Variants in APOL5 observed in about 807,000 individuals in gnomAD.
The protein encoded by APOL5 is apolipoprotein L, 5.
A neutral mutation model predicts 35.5 loss-of-function variants in APOL5; 29 were observed. That is an observed-to-expected ratio of 0.82 (90% confidence interval 0.61 to 1.11). The LOEUF (loss-of-function observed/expected upper bound fraction) is 1.11. Ranked by LOEUF, APOL5 falls within the 50% of genes most tolerant of loss-of-function variation. The probability of loss-of-function intolerance (pLI) is 0.00; values close to 1 mark genes in which losing one functional copy is unlikely to be tolerated. For synonymous variants in APOL5, 188 were observed against 200.2 expected, an observed-to-expected ratio of 0.94 and a Z score of 0.51; for missense variants, 514 against 530.4, an observed-to-expected ratio of 0.97 and a Z score of 0.30.
chr22:35,710,768 A>C, the APOL5 span, among the ~76,000 whole-genome samples: 1 of 152,108 alleles, frequency 6.6e-6, no homozygotes, highest in African/African-American at 2.4e-5. Context: ...TGACTACCCT[A>C]AGAATCCCAT....
chr22:35,726,407 A>T lies in APOL5; in HGVS notation c.339A>T (p.Leu113=). 6.2e-7 allele frequency: 1 copy of T among 1,614,182 alleles called. No individual in the cohort carries two copies. Among genetic ancestry groups the T allele is most frequent in the Non-Finnish European group, 8.5e-7 (1 of 1,180,046 alleles). The part of the protein sequence containing the change: ...LSYFPLHKFE[L]EQNIKELNTL... ...ATTTTCCTTTGCACAAGTTTGAGCTAGAACAGAACATCAAAGAACTTAACA... is the reference window on the plus strand; with the variant it reads ...ATTTTCCTTTGCACAAGTTTGAGCTTGAACAGAACATCAAAGAACTTAACA... The change falls in exon 3 of 5, where the codon CTA becomes CTT. Residue 113 remains leucine, a synonymous_variant. Coordinates refer to ENST00000249044, the MANE Select transcript of APOL5 (RefSeq NM_030642.1).
chr22:35,712,698 C>T, the APOL5 span, among the ~76,000 whole-genome samples: 96 of 152,068 alleles, frequency 6.3e-4, no homozygotes, highest in Non-Finnish European at 1.1e-3. Context: ...TTCTTCTTTT[C>T]ATGGACCAGC....
chr22:35,716,207 C>G (rs1926739054), upstream of APOL5, among the ~76,000 whole-genome samples: 2 of 152,208 alleles, frequency 1.3e-5, no homozygotes, highest in Admixed American at 6.5e-5. Context: ...CATTACTGTA[C>G]AAGTGGGAGA....
At chr22:35,724,604 T>TTTTTA (rs1340857409) in intron 2 of APOL5, among the ~76,000 whole-genome samples, 1 of 151,714 alleles carries the variant, frequency 6.6e-6, no homozygotes, top group South Asian at 2.1e-4. Flanking sequence ...ATTTATTTTA[T>TTTTTA]TTTTATTTTA....
chr22:35,726,072 G>C, intron 2 of APOL5, 139 bp from the exon 3 acceptor site: 1 of 886,816 alleles, frequency 1.1e-6, no homozygotes, highest in South Asian at 1.8e-5. Flanking sequence ...GATGAAGCCG[G>C]TTAGGTCAGA....
chr22:35,724,463 G>C (rs5999984), intron 2 of APOL5, among the ~76,000 whole-genome samples: 15,045 of 151,348 alleles, frequency 0.099, 2,516 homozygotes, highest in African/African-American at 0.34. Context: ...TCAAATTGGT[G>C]ACAACTTGTT....
At chr22:35,710,995 C>T in the APOL5 span, among the ~76,000 whole-genome samples, 1 of 152,114 alleles carries the variant, frequency 6.6e-6, no homozygotes, top group Non-Finnish European at 1.5e-5. Context: ...GGTGAAACCC[C>T]ATCTCTATTA....
the APOL5 span, among the ~76,000 whole-genome samples, chr22:35,709,143 T>C: frequency 6.6e-6 from 1 of 152,224 alleles, no homozygotes; most frequent in Non-Finnish European, 1.5e-5. Flanking sequence ...CACTTCCTTT[T>C]ACTTATCGAA....
chr22:35,717,222 C>CAAA (rs71322978), upstream of APOL5, among the ~76,000 whole-genome samples: 20 of 66,876 alleles, frequency 3.0e-4, no homozygotes, highest in African/African-American at 4.7e-4. Flanking sequence ...TCCATCTCTA[C>CAAA]AAAAAAAAAA....
chr22:35,714,037 C>A (rs146847182), upstream of APOL5, among the ~76,000 whole-genome samples: 323 of 152,256 alleles, frequency 2.1e-3, 1 homozygote, highest in African/African-American at 7.3e-3. Context: ...GTTGGCCGGG[C>A]GCGGTGGCTC....
intron 2 of APOL5, 99 bp from the exon 3 acceptor site, chr22:35,726,112 T>C: frequency 7.2e-7 from 1 of 1,396,008 alleles, no homozygotes. Context: ...TTCCCCACTG[T>C]TAGAATTTTT....
intron 2 of APOL5, among the ~76,000 whole-genome samples, chr22:35,721,468 G>A (rs1304138194): frequency 1.3e-5 from 2 of 152,030 alleles, no homozygotes; most frequent in South Asian, 2.1e-4. Flanking sequence ...GCTTGAACCC[G>A]GGAGGCGGAG....
chr22:35,720,294 T>C (rs1269567433), intron 1 of APOL5, among the ~76,000 whole-genome samples: 2 of 152,250 alleles, frequency 1.3e-5, no homozygotes, highest in Non-Finnish European at 2.9e-5. Context: ...ATTTCAAAAG[T>C]GCTTTACCAA....
chr22:35,727,353 C>T (rs1056914036), intron 3 of APOL5, among the ~76,000 whole-genome samples, 159 bp downstream of exon 3: 2 of 152,206 alleles, frequency 1.3e-5, no homozygotes, highest in East Asian at 1.9e-4. Context: ...ATTAACTAGG[C>T]GCCCTCTGTT....
chr22:35,726,174 A>C, intron 2 of APOL5, 37 bp from the exon 3 acceptor site: 2 of 1,586,672 alleles, frequency 1.3e-6, no homozygotes, highest in Non-Finnish European at 1.7e-6. Context: ...TGCCTCCTGC[A>C]CACATTTTAG....
At position 35,727,138 on chromosome 22, in the gene APOL5, C is replaced by T. The variant is rs1418518894; in HGVS notation, c.1070C>T (p.Thr357Ile). 6.2e-6 allele frequency: 10 copies of T among 1,609,314 alleles called. No homozygotes were observed. In the African/African-American group the frequency reaches 8.0e-5, roughly 13 times the overall value. Residue 357 changes from threonine (T) to isoleucine (I), a missense_variant, in exon 3 of 5, where the codon ACC becomes ATC. Around this residue, in one of 3 missense-constraint regions of APOL5, gnomAD observed 238 missense variants for 229.1 expected, o/e 1.04. Transcript: ENST00000249044. Reference protein sequence around the residue: ...HRHLPQKASQTCSSSRGRAVR... With the variant: ...HRHLPQKASQICSSSRGRAVR... ...CACCTGCCGCAGAAGGCGAGCCAGA[C>T]CTGTTCCAGCTCCCGGGGCAGGGCT...
At chr22:35,715,914 T>G (rs1926729566), upstream of APOL5, among the ~76,000 whole-genome samples, 1 of 152,136 alleles carries the variant, frequency 6.6e-6, no homozygotes, top group Non-Finnish European at 1.5e-5. Flanking sequence ...GCAGAATGCC[T>G]AAAATAATGG....
intron 2 of APOL5, among the ~76,000 whole-genome samples, chr22:35,722,098 CA>C (rs559349615): frequency 6.6e-6 from 1 of 152,040 alleles, no homozygotes; most frequent in Non-Finnish European, 1.5e-5. Flanking sequence ...GAAAGCTCCC[CA>C]AAAAAGGCAT....
chr22:35,717,235 A>AAAAAAAAAAAAAAAAATATATATATATAT, upstream of APOL5, among the ~76,000 whole-genome samples: 7 of 57,654 alleles, frequency 1.2e-4, no homozygotes, highest in Non-Finnish European at 1.2e-4. Context: ...AAAAAAAAAA[A>AAAAAAAAAAAAAAAAATATATATATATAT]ATATATATAT....
Sources: allele counts gnomAD v4.1 joint callset (sites outside exome capture counted in the v4.1 genomes callset), GRCh38; gene constraint gnomAD v4.1.1; regional missense constraint gnomAD v4.1.1; transcripts MANE v1.5; gene names NCBI Gene and HGNC (gene_info 2026-07-23, HGNC 2026-07-21).